Variants in RANBP2 observed in about 807,000 individuals in gnomAD.
RANBP2 encodes RAN binding protein 2.
A neutral mutation model predicts 303.6 loss-of-function variants in RANBP2; 57 were observed. The observed-to-expected ratio is 0.19, with a 90% CI of 0.15 to 0.23. RANBP2 has a LOEUF of 0.23. Among genes scored for constraint, RANBP2 ranks in the 10% least tolerant of loss-of-function variants. The pLI is 1.00. For synonymous variants in RANBP2, 1,167 were observed against 1,301.5 expected (o/e 0.90, Z 2.23); for missense variants, 3,138 against 3,780.8 (o/e 0.83, Z 4.46).
At chr2:109,267,375 G>A in the RANBP2 span, among the ~76,000 whole-genome samples, 100 of 152,290 alleles carry the variant, frequency 6.6e-4, no homozygotes, top group Non-Finnish European at 1.1e-3. Context: ...ATCACTGTGC[G>A]CTTTGTACAA....
chr2:108,960,416 C>T, the RANBP2 span, among the ~76,000 whole-genome samples: 1 of 152,036 alleles, frequency 6.6e-6, no homozygotes, highest in Non-Finnish European at 1.5e-5. Context: ...CTGTGGTGCT[C>T]CCCCCAAAAA....
At chr2:109,087,411 G>A in the RANBP2 span, among the ~76,000 whole-genome samples, 6 of 152,144 alleles carry the variant, frequency 3.9e-5, no homozygotes, top group South Asian at 2.1e-4. Context: ...CAACGGACGC[G>A]CCTGAGGGTG....
Position 108,753,038 on chromosome 2 carries a change from T to G in RANBP2, c.1796T>G (p.Ile599Arg), listed in dbSNP as rs771128114. 1 of 1,609,570 alleles carries G rather than the reference T, an allele frequency of 6.2e-7. No homozygotes were observed. Among genetic ancestry groups the G allele is most frequent in the African/African-American group, 1.3e-5 (1 of 74,546 alleles). Reference protein sequence around the residue: ...LNSFYDQREYIGRSVHYWKKV... With the variant: ...LNSFYDQREYRGRSVHYWKKV... Reference sequence around the variant, plus strand: ...TCTTTTTATGATCAACGAGAATACATAGGGAGAAGTGTTCATTATTGGAAG... The same window carrying G: ...TCTTTTTATGATCAACGAGAATACAGAGGGAGAAGTGTTCATTATTGGAAG... Residue 599 changes from isoleucine (I) to arginine (R), a missense_variant, in exon 13 of 29, where the codon ATA becomes AGA. Ile to Arg is a moderately conservative substitution (Grantham distance 97). Around this residue, in one of 20 missense-constraint regions of RANBP2, gnomAD observed 162 missense variants for 286.9 expected, o/e 0.56. Transcript: ENST00000283195.
the RANBP2 span, among the ~76,000 whole-genome samples, chr2:109,144,623 G>T: frequency 6.6e-6 from 1 of 152,264 alleles, no homozygotes; most frequent in African/African-American, 2.4e-5. Flanking sequence ...GCAAACATGA[G>T]AAACCCAGCC....
chr2:109,301,335 C>CGT, the RANBP2 span, among the ~76,000 whole-genome samples: 76 of 132,104 alleles, frequency 5.8e-4, 2 homozygotes, highest in Middle Eastern at 0.019. Flanking sequence ...ATCTGTGTGA[C>CGT]GTGTGTGTGT....
the RANBP2 span, among the ~76,000 whole-genome samples, chr2:109,634,052 G>A: frequency 1.1e-4 from 16 of 146,862 alleles, no homozygotes; most frequent in African/African-American, 3.3e-4. Context: ...CTCAGGAAGC[G>A]GAGGTTGCAG....
the RANBP2 span, among the ~76,000 whole-genome samples, chr2:109,652,025 C>T: frequency 6.6e-6 from 1 of 152,280 alleles, no homozygotes; most frequent in South Asian, 2.1e-4. Context: ...GCCAATGCTT[C>T]CTCCCCAGCA....
At chr2:109,491,075 G>A in the RANBP2 span, 3 of 775,154 alleles carry the variant, frequency 3.9e-6, no homozygotes, top group Middle Eastern at 4.0e-4. Context: ...AGATCCACAT[G>A]GTCCCGAGCT....
chr2:109,465,674 C>T, the RANBP2 span, among the ~76,000 whole-genome samples: 10 of 152,170 alleles, frequency 6.6e-5, no homozygotes, highest in Admixed American at 5.9e-4. Flanking sequence ...TCTGCAGGCT[C>T]TACAGGAAGC....
the RANBP2 span, chr2:109,502,060 G>C: frequency 3.5e-5 from 7 of 200,336 alleles, no homozygotes; most frequent in Admixed American, 2.6e-4. Flanking sequence ...GGTGGCATGG[G>C]GGCCAGGAGC....
At chr2:109,241,852 G>A in the RANBP2 span, among the ~76,000 whole-genome samples, 9 of 150,756 alleles carry the variant, frequency 6.0e-5, no homozygotes, top group East Asian at 3.9e-4. Flanking sequence ...TGCAAGCTCC[G>A]CCTCCCGGGT....
chr2:108,916,692 C>G, the RANBP2 span, among the ~76,000 whole-genome samples: 1 of 152,130 alleles, frequency 6.6e-6, no homozygotes, highest in Non-Finnish European at 1.5e-5. Context: ...GCTCTGAGCA[C>G]GTGTGCGCAG....
At chr2:108,735,489 A>G (rs560339168) in intron 4 of RANBP2, 43 bp from the exon 5 acceptor site, 4 of 1,596,924 alleles carry the variant, frequency 2.5e-6, no homozygotes, top group South Asian at 1.1e-5. Context: ...TTAAAATTGC[A>G]CAAGTGTTAC....
chr2:109,202,741 G>T, the RANBP2 span, among the ~76,000 whole-genome samples: 1 of 152,174 alleles, frequency 6.6e-6, no homozygotes, highest in Non-Finnish European at 1.5e-5. Context: ...TTCCCGTGGG[G>T]CTGTCGACAG....
intron 1 of RANBP2, among the ~76,000 whole-genome samples, chr2:108,728,748 G>C (rs979807757): frequency 6.6e-6 from 1 of 152,120 alleles, no homozygotes. Flanking sequence ...GGGTTCAACT[G>C]ATTCTCGTGC....
At chr2:108,805,649 C>G in the RANBP2 span, among the ~76,000 whole-genome samples, 50 of 152,142 alleles carry the variant, frequency 3.3e-4, no homozygotes, top group Admixed American at 1.3e-3. Context: ...ATGTCGTGAA[C>G]CCAGGAGGCG....
chr2:109,447,785 G>A, the RANBP2 span, among the ~76,000 whole-genome samples: 9 of 152,222 alleles, frequency 5.9e-5, no homozygotes, highest in Non-Finnish European at 1.3e-4. Flanking sequence ...TTTAAAGGGA[G>A]CTGTATCTTT....
chr2:109,099,384 G>A, the RANBP2 span, among the ~76,000 whole-genome samples: 1 of 152,146 alleles, frequency 6.6e-6, no homozygotes, highest in East Asian at 1.9e-4. Context: ...TCGGGTCGGT[G>A]GTCTCTTAGC....
At chr2:108,990,909 CTGTTCTACTCCATATAAT>C in the RANBP2 span, among the ~76,000 whole-genome samples, 2 of 152,184 alleles carry the variant, frequency 1.3e-5, no homozygotes, top group African/African-American at 2.4e-5. Context: ...CTGGGCTAAT[CTGTTCTACTCCATATAAT>C]TTTTACTTTC....
Sources: allele counts gnomAD v4.1 joint callset (sites outside exome capture counted in the v4.1 genomes callset), GRCh38; gene constraint gnomAD v4.1.1; regional missense constraint gnomAD v4.1.1; transcripts MANE v1.5; gene names NCBI Gene and HGNC (gene_info 2026-07-23, HGNC 2026-07-21).